The following IMMP2L variants were observed in gnomAD, a reference collection of about 807,000 sequenced individuals.
The protein encoded by IMMP2L is mitochondrial inner membrane protease subunit 2.
In IMMP2L, 18 loss-of-function variants were observed where a neutral mutation model predicts 19.3. The ratio of observed to expected loss-of-function variants is 0.93; its 90% CI spans 0.64 to 1.38. IMMP2L has a LOEUF of 1.38. Ranked by LOEUF, IMMP2L falls within the 40% of genes most tolerant of loss-of-function variation. The probability of loss-of-function intolerance (pLI) is 0.00; values close to 1 mark genes in which losing one functional copy is unlikely to be tolerated. For synonymous variants in IMMP2L, 76 were observed against 73.0 expected (o/e 1.04, Z -0.21); for missense variants, 233 against 218.2 (o/e 1.07, Z -0.43).
intron 3 of IMMP2L, among the ~76,000 whole-genome samples, chr7:111,098,737 G>T (rs1051244951): frequency 6.6e-6 from 1 of 151,678 alleles, no homozygotes; most frequent in African/African-American, 2.4e-5. Context: ...TGAAAAATAA[G>T]GCTTAGAGAA....
intron 3 of IMMP2L, among the ~76,000 whole-genome samples, chr7:111,109,511 A>G (rs1284316914): frequency 6.6e-6 from 1 of 152,188 alleles, no homozygotes; most frequent in Non-Finnish European, 1.5e-5. Flanking sequence ...AAGTACATAT[A>G]TATCTGCGAC....
rs147871718 is a variant in IMMP2L at position 111,546,920 on chromosome 7, C to T, written c.-3+14931G>A. ...AAAAATGAAACAAAGGCCCAGGTAA[C>T]GAGAACTTATTGTCTATAAATTAGT... On this transcript the variant is annotated intron_variant, in intron 1 of 5. Transcript: ENST00000405709. Among the ~76,000 whole-genome samples, 324 of 152,172 alleles carry T rather than the reference C, an allele frequency of 2.1e-3. 3 individuals are homozygous for T. The highest frequency in any genetic ancestry group is 7.4e-3 in the African/African-American group (307 of 41,520).
intron 5 of IMMP2L, among the ~76,000 whole-genome samples, chr7:110,879,082 T>C (rs1469857612): frequency 6.6e-6 from 1 of 152,126 alleles, no homozygotes; most frequent in African/African-American, 2.4e-5. Flanking sequence ...ATATTTTCAC[T>C]TATGCAGTTA....
intron 3 of IMMP2L, among the ~76,000 whole-genome samples, chr7:111,092,466 T>G (rs1796973240): frequency 6.6e-6 from 1 of 152,206 alleles, no homozygotes; most frequent in Non-Finnish European, 1.5e-5. Context: ...AAGCAGGCTA[T>G]GAATATGAGT....
At chr7:111,499,791 G>C (rs981926696) in intron 2 of IMMP2L, among the ~76,000 whole-genome samples, 1 of 152,114 alleles carries the variant, frequency 6.6e-6, no homozygotes, top group Non-Finnish European at 1.5e-5. Flanking sequence ...CTGCCCTCTG[G>C]GCTTTGGGCT....
At chr7:111,067,402 G>C (rs946496732) in intron 3 of IMMP2L, among the ~76,000 whole-genome samples, 2 of 152,170 alleles carry the variant, frequency 1.3e-5, no homozygotes, top group African/African-American at 4.8e-5. Flanking sequence ...GTTTGGGTGG[G>C]ACCAATGCGG....
chr7:111,485,774 T>C (rs1343768268), intron 3 of IMMP2L, among the ~76,000 whole-genome samples: 1 of 152,016 alleles, frequency 6.6e-6, no homozygotes, highest in Non-Finnish European at 1.5e-5. Flanking sequence ...CATGATATGG[T>C]AGGATACTTT....
chr7:110,994,535 C>G (rs972227372), intron 3 of IMMP2L, among the ~76,000 whole-genome samples: 6 of 152,282 alleles, frequency 3.9e-5, no homozygotes, highest in Admixed American at 3.9e-4. Context: ...CTCACTTTCT[C>G]TCTTTGACCA....
chr7:111,132,082 G>C (rs1002070511), intron 3 of IMMP2L, among the ~76,000 whole-genome samples: 1 of 151,622 alleles, frequency 6.6e-6, no homozygotes, highest in African/African-American at 2.4e-5. Context: ...TCTCAGTTTC[G>C]CATCAGAAAA....
chr7:111,306,631 TGTGTGTGTGTGTG>T (rs1024013776), intron 3 of IMMP2L, among the ~76,000 whole-genome samples: 22 of 150,978 alleles, frequency 1.5e-4, no homozygotes, highest in Admixed American at 7.3e-4. Context: ...TGTGTGTGTG[TGTGTGTGTGTGTG>T]TGTGTGTGTG....
At chr7:111,257,189 C>A (rs1362107162) in intron 3 of IMMP2L, among the ~76,000 whole-genome samples, 1 of 152,006 alleles carries the variant, frequency 6.6e-6, no homozygotes, top group South Asian at 2.1e-4. Context: ...CATAATAATT[C>A]CAACTGACAG....
intron 3 of IMMP2L, among the ~76,000 whole-genome samples, chr7:111,137,869 G>A (rs1056847386): frequency 6.6e-5 from 10 of 152,278 alleles, no homozygotes; most frequent in Admixed American, 6.5e-4. Flanking sequence ...CTGTTTCCCA[G>A]CCTGGAGTAC....
At chr7:110,819,735 T>C (rs940484600) in intron 5 of IMMP2L, among the ~76,000 whole-genome samples, 2 of 152,034 alleles carry the variant, frequency 1.3e-5, no homozygotes, top group African/African-American at 4.8e-5. Context: ...GAGCTCAGAA[T>C]GGGGAAAATG....
chr7:110,736,812 T>C (rs1161162231), intron 5 of IMMP2L, among the ~76,000 whole-genome samples: 1 of 152,222 alleles, frequency 6.6e-6, no homozygotes, highest in African/African-American at 2.4e-5. Context: ...TGTCTCAGGA[T>C]AAATCATACC....
chr7:110,957,252 A>G (rs1014034342), intron 4 of IMMP2L, among the ~76,000 whole-genome samples: 1 of 152,000 alleles, frequency 6.6e-6, no homozygotes, highest in Non-Finnish European at 1.5e-5. Context: ...AAGTACTCTG[A>G]AAGCCTACTT....
At chr7:110,809,461 C>A (rs1801872856) in intron 5 of IMMP2L, among the ~76,000 whole-genome samples, 1 of 151,756 alleles carries the variant, frequency 6.6e-6, no homozygotes, top group Non-Finnish European at 1.5e-5. Context: ...TTATGGATAA[C>A]TTGCTTTAAC....
chr7:111,325,978 T>A (rs751858819), intron 3 of IMMP2L, among the ~76,000 whole-genome samples: 1 of 151,726 alleles, frequency 6.6e-6, no homozygotes, highest in Non-Finnish European at 1.5e-5. Flanking sequence ...GTGAGCAACA[T>A]TGCTATTTAT....
intron 3 of IMMP2L, among the ~76,000 whole-genome samples, chr7:111,166,715 G>A (rs1458030746): frequency 1.3e-5 from 2 of 152,014 alleles, no homozygotes; most frequent in Non-Finnish European, 2.9e-5. Flanking sequence ...TTCCTCCAAA[G>A]TCTCTGGGGA....
chr7:111,240,651 C>G (rs1346477790), intron 3 of IMMP2L, among the ~76,000 whole-genome samples: 2 of 151,746 alleles, frequency 1.3e-5, no homozygotes, highest in Non-Finnish European at 2.9e-5. Flanking sequence ...AGGGACAGTC[C>G]CATTTTCTTT....
Sources: allele counts gnomAD v4.1 joint callset (sites outside exome capture counted in the v4.1 genomes callset), GRCh38; gene constraint gnomAD v4.1.1; transcripts MANE v1.5; gene names NCBI Gene and HGNC (gene_info 2026-07-23, HGNC 2026-07-21).